The following LIMA1 variants were observed in gnomAD, a reference collection of about 807,000 sequenced individuals.
LIMA1 encodes LIM domain and actin binding 1.
A neutral mutation model predicts 62.6 loss-of-function variants in LIMA1; 52 were observed. The ratio of observed to expected loss-of-function variants is 0.83; its 90% confidence interval spans 0.67 to 1.05. LIMA1 has a LOEUF of 1.05. LIMA1 is among the 50% of genes least tolerant of loss of function. The pLI, the probability that LIMA1 is intolerant of heterozygous loss-of-function variation, is 0.00. For missense variants in LIMA1, 780 were observed against 902.2 expected, an observed-to-expected ratio of 0.86 and a Z score of 1.74; for synonymous variants, 302 against 317.8, an observed-to-expected ratio of 0.95 and a Z score of 0.53.
intron 3 of LIMA1, among the ~76,000 whole-genome samples, chr12:50,224,652 A>G (rs952828858): frequency 6.6e-6 from 1 of 152,198 alleles, no homozygotes; most frequent in Non-Finnish European, 1.5e-5. Flanking sequence ...CATGTGATCA[A>G]AGTATACTTA....
intron 1 of LIMA1, chr12:50,249,636 G>T (rs569055184): frequency 6.6e-6 from 1 of 152,188 alleles, no homozygotes; most frequent in East Asian, 1.9e-4. Context: ...AATCTGGATC[G>T]TTTGGTTATT....
rs187647051 is a variant in LIMA1, at chr12:50,273,148, T to A, written c.-24+10272A>T. 2.0e-5 allele frequency among the ~76,000 whole-genome samples: 3 copies of A among 151,822 alleles called. No homozygotes were observed. The East Asian group carries it at 5.8e-4, about 29-fold the overall frequency. The stretch of plus-strand genomic sequence containing the variant: ...TTTTGTAATTTTAGTAGAGACGGAG[T>A]TTTGCCATGTTAGCCAGGCTGGTCT... On this transcript the variant is annotated intron_variant, in intron 1 of 10. Transcript: ENST00000341247.
intron 6 of LIMA1, 184 bp from the exon 7 acceptor site, chr12:50,201,068 G>A (rs111452586): frequency 7.2e-7 from 1 of 1,395,520 alleles, no homozygotes; most frequent in Non-Finnish European, 9.3e-7. Context: ...GCAGCTTTGT[G>A]GACACATACC....
At chr12:50,224,091 T>C (rs1166014251) in intron 3 of LIMA1, among the ~76,000 whole-genome samples, 2 of 151,702 alleles carry the variant, frequency 1.3e-5, no homozygotes, top group African/African-American at 2.4e-5. Context: ...TTGAAAGGAC[T>C]GTACTCCTAA....
At chr12:50,244,440 T>C (rs1941820255) in intron 2 of LIMA1, among the ~76,000 whole-genome samples, 1 of 152,010 alleles carries the variant, frequency 6.6e-6, no homozygotes, top group Admixed American at 6.6e-5. Context: ...GGTTTCACCA[T>C]GTTGGGCAGG....
chr12:50,196,473 TA>T (rs1267727666), intron 7 of LIMA1, among the ~76,000 whole-genome samples: 1 of 152,180 alleles, frequency 6.6e-6, no homozygotes, highest in Admixed American at 6.6e-5. Context: ...TGGCAATGTT[TA>T]AAAAGATGGC....
At chr12:50,237,613 G>C (rs1293301618) in intron 2 of LIMA1, among the ~76,000 whole-genome samples, 1 of 152,038 alleles carries the variant, frequency 6.6e-6, no homozygotes, top group Non-Finnish European at 1.5e-5. Flanking sequence ...CTCCAGCCTG[G>C]GCAACAGAGT....
chr12:50,218,504 T>C (rs1443539674), intron 4 of LIMA1, among the ~76,000 whole-genome samples: 1 of 152,176 alleles, frequency 6.6e-6, no homozygotes, highest in African/African-American at 2.4e-5. Context: ...CCACAGTACT[T>C]AGCACAGCTG....
At position 50,182,358 on chromosome 12, in the gene LIMA1, CG is replaced by C. The variant is rs553599275; in HGVS notation, c.1141-322del. 9.9e-3 allele frequency among the ~76,000 whole-genome samples: 1,017 copies of C among 102,362 alleles called. 11 individuals carry two copies. Among genetic ancestry groups the C allele is most frequent in the Non-Finnish European group, 0.01 (480 of 46,554 alleles). The allele number at this position is 102,362 out of a possible 152,430, so 67.2% of individuals were successfully genotyped here. Reference sequence around the variant, plus strand: ...AGGAGCAGGGGATGGGGGAAGGGGTCGGGGGGGGGAGTGCAGGGATTAGGAG... The same window carrying C: ...AGGAGCAGGGGATGGGGGAAGGGGTCGGGGGGGGAGTGCAGGGATTAGGAG... On this transcript the variant is annotated intron_variant, in intron 9 of 10. Transcript: ENST00000341247.
Position 50,177,786 on chromosome 12 carries a change from C to T in LIMA1, c.1558G>A (p.Asp520Asn), listed in dbSNP as rs201311819. Residue 520 changes from aspartate (D) to asparagine (N), a missense_variant, in exon 11 of 11, where the codon GAC (aspartate) becomes AAC (asparagine). Physicochemically the swap from Asp to Asn is conservative, Grantham distance 23 (BLOSUM62 1). Coordinates refer to ENST00000341247, the MANE Select transcript of LIMA1 (RefSeq NM_016357.5). Reference sequence around the variant, plus strand: ...AGCTTCTTGGTTTCAGCTGGCTTGTCTTCCTTCTCCTGCTGAGAGGAGGCC... The same window carrying T: ...AGCTTCTTGGTTTCAGCTGGCTTGTTTTCCTTCTCCTGCTGAGAGGAGGCC... The part of the protein sequence containing the change: ...AKASSQQEKE[D>N]KPAETKKLRI... 142 of 1,614,118 alleles carry T rather than the reference C, an allele frequency of 8.8e-5. No homozygotes were observed.
At chr12:50,274,058 T>C (rs1382330095) in intron 1 of LIMA1, among the ~76,000 whole-genome samples, 2 of 152,114 alleles carry the variant, frequency 1.3e-5, no homozygotes, top group Non-Finnish European at 2.9e-5. Flanking sequence ...ATCCAAACTT[T>C]TGTCCTGCTA....
intron 1 of LIMA1, among the ~76,000 whole-genome samples, chr12:50,283,016 G>A (rs765142333): frequency 1.1e-4 from 16 of 152,172 alleles, no homozygotes; most frequent in Non-Finnish European, 2.1e-4. Flanking sequence ...AGAAAAAATC[G>A]AAAAGAGAGG....
intron 1 of LIMA1, among the ~76,000 whole-genome samples, chr12:50,265,066 T>C (rs187423154): frequency 7.2e-4 from 110 of 151,796 alleles, no homozygotes; most frequent in East Asian, 4.7e-3. Flanking sequence ...AGTGGGAAGA[T>C]TGCCTGAGCC....
chr12:50,205,794 C>CAAAAA (rs5798132), intron 5 of LIMA1, among the ~76,000 whole-genome samples, 190 bp downstream of exon 5: 1 of 80,146 alleles, frequency 1.2e-5, no homozygotes, highest in African/African-American at 4.7e-5. Context: ...ACTTCCGTCT[C>CAAAAA]AAAAAAAAAA....
Position 50,207,813 on chromosome 12 carries a change from C to A in LIMA1, c.631-1745G>T, listed in dbSNP as rs1211520804. Among the ~76,000 whole-genome samples, 10 of 150,570 alleles carry A rather than the reference C, an allele frequency of 6.6e-5. No individual in the cohort carries two copies. The Admixed American group carries it at 6.7e-4, about 10-fold the overall frequency. On this transcript the variant is annotated intron_variant, in intron 4 of 10. Coordinates refer to ENST00000341247, the MANE Select transcript of LIMA1 (RefSeq NM_016357.5). ...GCTGAGGTGGGAGGATTGCTTGAAC[C>A]AGGGGGGCAGAGGTTGCAGGGAGCA...
In LIMA1 at chr12:50,176,625, A is replaced by T. The variant is rs1940341028; in HGVS notation, c.*439T>A. On this transcript the variant is annotated 3_prime_UTR_variant, in exon 11 of 11. Transcript: ENST00000341247. ...TTGGTATTCATTTAAAAATATACAA[A>T]CTGTGCCCTTTATACTAAAGTGCAT... 6.5e-6 allele frequency: 1 copy of T among 154,620 alleles called. No homozygotes were observed. Among genetic ancestry groups the T allele is most frequent in the South Asian group, 2.1e-4 (1 of 4,850 alleles). The allele number at this position is 154,620 out of a possible 1,614,324, so 9.6% of individuals were successfully genotyped here. A position where few individuals can be genotyped will look rare whatever the true frequency, so the allele number is the denominator to read the frequency against.
At position 50,176,470 on chromosome 12, in the gene LIMA1, G is replaced by T. The variant is rs1042154872; in HGVS notation, c.*594C>A. The T allele has an allele frequency of 3.9e-5, 6 of 152,214 alleles. No homozygotes were observed. The highest frequency in any genetic ancestry group is 1.4e-4 in the African/African-American group (6 of 41,416). The allele number at this position is 152,214 out of a possible 1,614,324, so 9.4% of individuals were successfully genotyped here. The stretch of plus-strand genomic sequence containing the variant: ...CTGTTGTATTATACCTCAGGACGTC[G>T]AGTTCAGGATGTAGTTTAGAGAGCA... On this transcript the variant is annotated 3_prime_UTR_variant, in exon 11 of 11. Coordinates refer to ENST00000341247, the MANE Select transcript of LIMA1 (RefSeq NM_016357.5).
At chr12:50,220,788 T>G (rs1941427492) in intron 4 of LIMA1, among the ~76,000 whole-genome samples, 1 of 152,224 alleles carries the variant, frequency 6.6e-6, no homozygotes, top group African/African-American at 2.4e-5. Flanking sequence ...ACTAAAGGTC[T>G]AAAAACTTGA....
chr12:50,226,909 CTTTT>C (rs57111000), intron 3 of LIMA1, among the ~76,000 whole-genome samples: 3 of 134,266 alleles, frequency 2.2e-5, no homozygotes, highest in Non-Finnish European at 4.8e-5. Context: ...AATTCTTTTT[CTTTT>C]TTTTTTTTTT....
Sources: gnomAD v4.1 joint callset for allele counts (sites outside exome capture counted in the v4.1 genomes callset) on GRCh38, gnomAD v4.1.1 for gene constraint, MANE v1.5 for transcripts, NCBI Gene and HGNC (gene_info 2026-07-23, HGNC 2026-07-21) for gene names.